Variants in HMCN1 observed in about 807,000 individuals in gnomAD.
HMCN1 encodes hemicentin 1.
HMCN1 carries 321 observed loss-of-function variants against 625.9 expected under a neutral mutation model. That is an observed-to-expected ratio of 0.51 (90% confidence interval 0.47 to 0.56). The LOEUF (loss-of-function observed/expected upper bound fraction) is 0.56, where lower values mean the gene tolerates loss of function less well. Among genes scored for constraint, HMCN1 ranks in the 20% least tolerant of loss-of-function variants. The pLI is 0.00. For synonymous variants in HMCN1, 2,425 were observed against 2,417.6 expected, an observed-to-expected ratio of 1.00 and a Z score of -0.09; for missense variants, 6,588 against 6,887.3, an observed-to-expected ratio of 0.96 and a Z score of 1.54.
intron 10 of HMCN1, among the ~76,000 whole-genome samples, chr1:185,929,257 T>A (rs931727046): frequency 6.6e-6 from 1 of 152,144 alleles, no homozygotes; most frequent in African/African-American, 2.4e-5. Flanking sequence ...ACACAGGACC[T>A]CAGTGGCTAC....
At chr1:186,067,720 TTTCTG>T (rs1658218281) in intron 49 of HMCN1, 109 bp from the exon 50 acceptor site, 1 of 700,666 alleles carries the variant, frequency 1.4e-6, no homozygotes, top group South Asian at 1.8e-5. Context: ...AATAATTTGT[TTTCTG>T]TAACTGCTAG....
In HMCN1 at chr1:186,112,956, A is replaced by G; in HGVS notation, c.11131+3A>G. 1.9e-6 allele frequency: 3 copies of G among 1,613,898 alleles called. No individual in the cohort carries two copies. Among genetic ancestry groups the G allele is most frequent in the Non-Finnish European group, 2.5e-6 (3 of 1,179,928 alleles). On this transcript the variant is annotated splice_donor_region_variant and intron_variant, in intron 72 of 106. Transcript: ENST00000271588. ...AGAATTTATTCTCACTGTAAATGGTAAGAAAAGGTATTCATTGTTCCACAA... is the reference window on the plus strand; with the variant it reads ...AGAATTTATTCTCACTGTAAATGGTGAGAAAAGGTATTCATTGTTCCACAA...
At chr1:186,179,977 T>TC (rs1652842969) in intron 104 of HMCN1, among the ~76,000 whole-genome samples, 2 of 152,286 alleles carry the variant, frequency 1.3e-5, no homozygotes, top group Admixed American at 1.3e-4. Flanking sequence ...CCCTGATGTA[T>TC]CTGCAGCTTA....
intron 36 of HMCN1, among the ~76,000 whole-genome samples, chr1:186,032,411 C>G (rs1278018275): frequency 6.6e-6 from 1 of 152,162 alleles, no homozygotes; most frequent in Non-Finnish European, 1.5e-5. Flanking sequence ...TGTGTACCCA[C>G]CCAAATCTCA....
Position 185,962,615 on chromosome 1 carries a change from G to T in HMCN1, c.1926G>T (p.Lys642Asn), listed in dbSNP as rs773960026. 2.5e-6 allele frequency: 4 copies of T among 1,591,024 alleles called. No individual in the cohort carries two copies. Among genetic ancestry groups the T allele is most frequent in the Non-Finnish European group, 3.5e-6 (4 of 1,158,990 alleles). ...MCSATGYPKP[K>N]IAWTVNDMFI... ...CTGCAACAGGTTATCCCAAACCAAA[G>T]ATTGCCTGGACCGTTAACGATATGT... Residue 642 changes from lysine to asparagine, a missense_variant, in exon 12 of 107, where the codon AAG becomes AAT. Physicochemically the swap from Lys to Asn is moderately conservative, Grantham distance 94 (BLOSUM62 0). Around this residue, in one of 3 missense-constraint regions of HMCN1, gnomAD observed 4,628 missense variants for 4,853.1 expected, o/e 0.95. Transcript: ENST00000271588.
At chr1:186,072,345 A>G (rs1658527046) in intron 52 of HMCN1, among the ~76,000 whole-genome samples, 1 of 152,196 alleles carries the variant, frequency 6.6e-6, no homozygotes, top group South Asian at 2.1e-4. Flanking sequence ...TTTTAGCAAA[A>G]AAATTTAAAT....
intron 55 of HMCN1, among the ~76,000 whole-genome samples, chr1:186,079,653 G>A (rs1420661590): frequency 2.6e-5 from 4 of 152,148 alleles, no homozygotes; most frequent in Non-Finnish European, 4.4e-5. Context: ...TTAATTTAGG[G>A]TGAGTAGAAG....
At position 186,137,548 on chromosome 1, in the gene HMCN1, T is replaced by C. The variant is rs767918199; in HGVS notation, c.13633T>C (p.Cys4545Arg). 1 of 1,613,848 alleles carries C rather than the reference T, an allele frequency of 6.2e-7. No individual in the cohort carries two copies. The highest frequency in any genetic ancestry group is 8.5e-7 in the Non-Finnish European group (1 of 1,179,908). ...WSAWRACSVTCGKGIQKRSRL... is the reference protein window; with the variant it reads ...WSAWRACSVTRGKGIQKRSRL... ...TGCATGGAGAGCCTGCAGTGTCACCTGTGGAAAAGGCATCCAAAAGAGGAG... is the reference window on the plus strand; with the variant it reads ...TGCATGGAGAGCCTGCAGTGTCACCCGTGGAAAAGGCATCCAAAAGAGGAG... Residue 4545 changes from cysteine to arginine, a missense_variant, in exon 88 of 107, where the codon TGT becomes CGT. Physicochemically the swap from Cys to Arg is radical, Grantham distance 180 (BLOSUM62 -3). This residue lies in a region of HMCN1 where 1,954 missense variants were observed against 2,013.1 expected (regional missense o/e 0.97). Coordinates refer to ENST00000271588, the MANE Select transcript of HMCN1 (RefSeq NM_031935.3).
chr1:185,917,298 A>G (rs1234686417), intron 6 of HMCN1, among the ~76,000 whole-genome samples: 1 of 152,216 alleles, frequency 6.6e-6, no homozygotes, highest in Admixed American at 6.5e-5. Flanking sequence ...ATTGTTTTCT[A>G]TGCCATAGGG....
rs377710966 is a variant in HMCN1 at position 186,087,535 on chromosome 1, G to T, written c.9253G>T (p.Ala3085Ser). ...TSVSLECESN[A>S]VPPPVITWYK... ...TGTGTCTTTGGAGTGTGAGTCGAACGCTGTGCCACCTCCAGTCATCACTTG... is the reference window on the plus strand; with the variant it reads ...TGTGTCTTTGGAGTGTGAGTCGAACTCTGTGCCACCTCCAGTCATCACTTG... The change falls in exon 60 of 107, where the codon GCT becomes TCT. Residue 3085 changes from alanine to serine, a missense_variant. Coordinates refer to ENST00000271588, the MANE Select transcript of HMCN1 (RefSeq NM_031935.3). The T allele has an allele frequency of 8.7e-6, 14 of 1,613,124 alleles. No homozygotes were observed. The highest frequency in any genetic ancestry group is 1.2e-5 in the Non-Finnish European group (14 of 1,179,460).
At chr1:186,157,670 T>G (rs965850174) in intron 97 of HMCN1, among the ~76,000 whole-genome samples, 3 of 152,162 alleles carry the variant, frequency 2.0e-5, no homozygotes, top group African/African-American at 7.2e-5. Flanking sequence ...AGTTCCCACC[T>G]ATGAGTGAGA....
intron 1 of HMCN1, among the ~76,000 whole-genome samples, chr1:185,799,041 T>C (rs1262433308): frequency 6.6e-6 from 1 of 152,214 alleles, no homozygotes; most frequent in Non-Finnish European, 1.5e-5. Flanking sequence ...ACAACTTTTT[T>C]CTTCCTTTTT....
intron 72 of HMCN1, 82 bp downstream of exon 72, chr1:186,113,035 A>G (rs1660964368): frequency 6.6e-7 from 1 of 1,504,784 alleles, no homozygotes; most frequent in South Asian, 1.1e-5. Flanking sequence ...TCTTATGAGC[A>G]TACTAAATGA....
intron 1 of HMCN1, among the ~76,000 whole-genome samples, chr1:185,776,708 A>G (rs1656638921): frequency 6.6e-6 from 1 of 152,160 alleles, no homozygotes; most frequent in Non-Finnish European, 1.5e-5. Flanking sequence ...CAGATGCTTC[A>G]TTTATTCTGG....
At chr1:185,956,482 T>C (rs1184091773) in intron 11 of HMCN1, among the ~76,000 whole-genome samples, 1 of 152,150 alleles carries the variant, frequency 6.6e-6, no homozygotes, top group African/African-American at 2.4e-5. Context: ...ATAAAGGATA[T>C]TACAAAGAAT....
At chr1:185,898,228 A>G (rs1180864458) in intron 4 of HMCN1, among the ~76,000 whole-genome samples, 1 of 152,122 alleles carries the variant, frequency 6.6e-6, no homozygotes, top group African/African-American at 2.4e-5. Flanking sequence ...AGAGACAGAG[A>G]CAAAATCACT....
chr1:185,785,752 C>T (rs988500638), intron 1 of HMCN1, among the ~76,000 whole-genome samples: 2 of 152,138 alleles, frequency 1.3e-5, no homozygotes, highest in Non-Finnish European at 2.9e-5. Flanking sequence ...CTGTTTGTGG[C>T]TGATAGCAGA....
At position 185,795,654 on chromosome 1, in the gene HMCN1, G is replaced by A. The variant is rs779690401; in HGVS notation, c.269-50372G>A. Among the ~76,000 whole-genome samples the A allele has an allele frequency of 3.9e-5, 6 of 152,206 alleles. No homozygotes were observed. The East Asian group carries it at 5.8e-4, about 15-fold the overall frequency. On this transcript the variant is annotated intron_variant, in intron 1 of 106. Coordinates refer to ENST00000271588, the MANE Select transcript of HMCN1 (RefSeq NM_031935.3). ...ATTGATAGATCATGAAGAGGAGCAC[G>A]TCTAGAATATAAAAAAGACTTTTCT...
chr1:186,099,528 T>C (rs182816923), intron 68 of HMCN1, among the ~76,000 whole-genome samples: 2 of 152,128 alleles, frequency 1.3e-5, no homozygotes, highest in Non-Finnish European at 2.9e-5. Flanking sequence ...GTGGCAAACA[T>C]GCAAATGCAT....
Sources: gnomAD v4.1 joint callset for allele counts (sites outside exome capture counted in the v4.1 genomes callset) on GRCh38, gnomAD v4.1.1 for gene constraint, gnomAD v4.1.1 regional missense constraint, MANE v1.5 for transcripts, NCBI Gene and HGNC (gene_info 2026-07-23, HGNC 2026-07-21) for gene names.